EPS15L1: variants seen among roughly 807,000 people sequenced by gnomAD.
EPS15L1 encodes the protein epidermal growth factor receptor substrate 15-like 1.
In EPS15L1, 43 loss-of-function variants were observed where a neutral mutation model predicts 117.1. The ratio of observed to expected loss-of-function variants is 0.37; its 90% CI spans 0.29 to 0.47. The LOEUF is 0.47. Ranked by LOEUF, EPS15L1 falls within the 20% of genes least tolerant of loss-of-function variation. The pLI, the probability that EPS15L1 is intolerant of heterozygous loss-of-function variation, is 0.99. For missense variants in EPS15L1, 981 were observed against 1,164.0 expected, an observed-to-expected ratio of 0.84 and a Z score of 2.29; for synonymous variants, 459 against 470.5, an observed-to-expected ratio of 0.98 and a Z score of 0.32.
In EPS15L1 at chr19:16,395,327, G is replaced by A. The variant is rs1315927626; in HGVS notation, c.1915+17C>T. On this transcript the variant is annotated intron_variant, in intron 17 of 23. Coordinates refer to ENST00000455140, the MANE Select transcript of EPS15L1 (RefSeq NM_001258374.3). ...CACACAGTCTTTCAATGAGAAAGTGGGTAGCAAGTGAGATACCTTTGAAGG... is the reference window on the plus strand; with the variant it reads ...CACACAGTCTTTCAATGAGAAAGTGAGTAGCAAGTGAGATACCTTTGAAGG... The A allele has an allele frequency of 6.2e-7, 1 of 1,608,774 alleles. No homozygotes were observed. The highest frequency in any genetic ancestry group is 8.5e-7 in the Non-Finnish European group (1 of 1,177,544).
At chr19:16,377,396 G>A (rs1383243317) in intron 21 of EPS15L1, 142 bp from the exon 22 acceptor site, 11 of 901,872 alleles carry the variant, frequency 1.2e-5, no homozygotes, top group Non-Finnish European at 1.8e-5. Context: ...CTGCTTGGAC[G>A]TGGGGTCTCT....
At chr19:16,387,156 T>C (rs970644424) in intron 19 of EPS15L1, among the ~76,000 whole-genome samples, 7 of 151,884 alleles carry the variant, frequency 4.6e-5, no homozygotes, top group African/African-American at 1.7e-4. Flanking sequence ...AGAAGAGAAA[T>C]AGAAAATATA....
At chr19:16,465,665 G>A (rs899765420) in intron 1 of EPS15L1, among the ~76,000 whole-genome samples, 11 of 152,140 alleles carry the variant, frequency 7.2e-5, no homozygotes, top group Admixed American at 5.2e-4. Flanking sequence ...GTAGGCAATA[G>A]AGCAAGAGCC....
intron 10 of EPS15L1, among the ~76,000 whole-genome samples, chr19:16,419,957 T>G (rs903128307): frequency 1.3e-5 from 2 of 152,170 alleles, no homozygotes; most frequent in Non-Finnish European, 2.9e-5. Flanking sequence ...GAAGCAAGCT[T>G]AGGGGTGGCT....
intron 1 of EPS15L1, among the ~76,000 whole-genome samples, chr19:16,467,150 C>CTT (rs958708091): frequency 6.4e-5 from 9 of 140,552 alleles, no homozygotes; most frequent in African/African-American, 1.8e-4. Flanking sequence ...CTTTTCTTTT[C>CTT]TTTTTTTTTT....
chr19:16,410,433 C>T lies in EPS15L1; in HGVS notation c.1266+3340G>A, dbSNP rs139482344. 3.2e-3 allele frequency among the ~76,000 whole-genome samples: 489 copies of T among 152,300 alleles called. 5 individuals are homozygous for T. Among genetic ancestry groups the T allele is most frequent in the Non-Finnish European group, 3.6e-3 (242 of 68,022 alleles). On this transcript the variant is annotated intron_variant, in intron 13 of 23. Coordinates refer to ENST00000455140, the MANE Select transcript of EPS15L1 (RefSeq NM_001258374.3). ...CTTATGGGAATGTAAAATGGTACAG[C>T]CACTTTGAAAAACAGTCTGGCAGCT...
intron 16 of EPS15L1, 160 bp downstream of exon 16, chr19:16,402,161 G>T (rs995251618): frequency 3.5e-6 from 5 of 1,418,330 alleles, no homozygotes; most frequent in Admixed American, 3.2e-5. Flanking sequence ...AGGCTGCAAG[G>T]CCTGGTGTGA....
At chr19:16,442,110 T>A in intron 2 of EPS15L1, 68 bp downstream of exon 2, 2 of 1,524,962 alleles carry the variant, frequency 1.3e-6, no homozygotes, top group South Asian at 2.3e-5. Context: ...GCCGGGCTTC[T>A]ATTCTGTACT....
chr19:16,385,276 G>A (rs936060433), intron 20 of EPS15L1, 65 bp from the exon 21 acceptor site: 1 of 1,368,888 alleles, frequency 7.3e-7, no homozygotes, highest in Admixed American at 1.7e-5. Context: ...CTGGGGTGGA[G>A]GGGAAATGCT....
chr19:16,407,736 C>T (rs1034118115), intron 13 of EPS15L1, among the ~76,000 whole-genome samples: 2 of 152,190 alleles, frequency 1.3e-5, no homozygotes, highest in African/African-American at 4.8e-5. Flanking sequence ...CACATAGTTT[C>T]TCCCCCATTT....
At position 16,402,346 on chromosome 19, in the gene EPS15L1, G is replaced by A. The variant is rs1247968248; in HGVS notation, c.1766C>T (p.Ala589Val). The change falls in exon 16 of 24, where the codon GCA (alanine) becomes GTA (valine). Residue 589 changes from alanine (A) to valine (V), a missense_variant. Transcript: ENST00000455140. ...LANLSEGVSL[A>V]ERGSFGAMDD... ...CATGGCTCCAAAACTGCCCCTCTCT[G>A]CCAGGGAGACGCCTTCGCTCAGGTT... The A allele has an allele frequency of 6.2e-7, 1 of 1,612,808 alleles. No individual in the cohort carries two copies. The highest frequency in any genetic ancestry group is 1.7e-5 in the Admixed American group (1 of 59,594).
intron 1 of EPS15L1, among the ~76,000 whole-genome samples, chr19:16,470,850 T>A (rs1462680377): frequency 6.6e-6 from 1 of 152,198 alleles, no homozygotes; most frequent in Non-Finnish European, 1.5e-5. Context: ...TGAGTGCCTC[T>A]CATATGCTAG....
chr19:16,358,549 T>C (rs761050703), intron 23 of EPS15L1, among the ~76,000 whole-genome samples: 1 of 152,162 alleles, frequency 6.6e-6, no homozygotes, highest in Non-Finnish European at 1.5e-5. Flanking sequence ...CGTAGGGGCA[T>C]GACACCACCC....
chr19:16,382,452 C>A (rs2092373819), intron 21 of EPS15L1, among the ~76,000 whole-genome samples: 1 of 152,178 alleles, frequency 6.6e-6, no homozygotes, highest in Non-Finnish European at 1.5e-5. Flanking sequence ...GAAAAAGCTA[C>A]TATGAAAACC....
intron 22 of EPS15L1, among the ~76,000 whole-genome samples, chr19:16,375,464 A>G (rs1374033852): frequency 3.1e-5 from 3 of 96,768 alleles, no homozygotes; most frequent in African/African-American, 1.2e-4. Flanking sequence ...GATTATGCAT[A>G]TATGTGTGTG....
chr19:16,378,110 G>A (rs113777061), intron 21 of EPS15L1, among the ~76,000 whole-genome samples: 12 of 152,246 alleles, frequency 7.9e-5, no homozygotes, highest in African/African-American at 2.4e-4. Flanking sequence ...AATGAATGGC[G>A]GGTGGGTGGA....
chr19:16,457,111 T>G (rs2093205068), intron 1 of EPS15L1, among the ~76,000 whole-genome samples: 3 of 152,288 alleles, frequency 2.0e-5, no homozygotes, highest in Middle Eastern at 6.8e-3. Context: ...GCCTGGGGAC[T>G]GCAGCGACTC....
chr19:16,398,592 G>A (rs1308871497), intron 16 of EPS15L1, among the ~76,000 whole-genome samples: 1 of 152,222 alleles, frequency 6.6e-6, no homozygotes, highest in African/African-American at 2.4e-5. Context: ...GAGGAATCAT[G>A]ACCTGGATAA....
intron 1 of EPS15L1, 87 bp from the exon 2 acceptor site, chr19:16,442,306 A>T: frequency 1.0e-6 from 1 of 955,692 alleles, no homozygotes; most frequent in Non-Finnish European, 1.7e-6. Context: ...TGTCATGACC[A>T]AAATATATGA....
Sources: allele counts gnomAD v4.1 joint callset (sites outside exome capture counted in the v4.1 genomes callset), GRCh38; gene constraint gnomAD v4.1.1; transcripts MANE v1.5; gene names NCBI Gene and HGNC (gene_info 2026-07-23, HGNC 2026-07-21).